Variants in SLC1A2 observed in about 807,000 individuals in gnomAD.
The protein encoded by SLC1A2 is solute carrier family 1 member 2.
Under a neutral mutation model 48.8 loss-of-function variants are expected in SLC1A2, and 15 were observed. The ratio of observed to expected loss-of-function variants is 0.31; its 90% confidence interval spans 0.21 to 0.47. SLC1A2 has a LOEUF of 0.47. SLC1A2 is among the 20% of genes least tolerant of loss of function. The pLI, the probability that SLC1A2 is intolerant of heterozygous loss-of-function variation, is 0.99. For missense variants in SLC1A2, 502 were observed against 730.5 expected, an observed-to-expected ratio of 0.69 and a Z score of 3.61; for synonymous variants, 279 against 272.6, an observed-to-expected ratio of 1.02 and a Z score of -0.23.
rs543865587 is a variant in SLC1A2 at position 35,382,639 on chromosome 11, T to C, written c.17+36311A>G. On this transcript the variant is annotated intron_variant, in intron 1 of 10. Transcript: ENST00000278379. ...GGTGAAACCCTGTCTCTACTAAAAA[T>C]ACAAAAATTAGCTGGGCGTGGTGGC... is the stretch of plus-strand genomic sequence containing the variant. 9.2e-5 allele frequency among the ~76,000 whole-genome samples: 14 copies of C among 152,164 alleles called. No homozygotes were observed. The South Asian group carries it at 2.3e-3, about 25-fold the overall frequency.
At chr11:35,290,679 T>C (rs1850972364) in intron 7 of SLC1A2, among the ~76,000 whole-genome samples, 1 of 147,870 alleles carries the variant, frequency 6.8e-6, no homozygotes, top group African/African-American at 2.5e-5. Context: ...ACCAGGCTTA[T>C]AACCAGAAAA....
Position 35,254,204 on chromosome 11 carries a change from T to C in SLC1A2, c.*6690A>G, listed in dbSNP as rs1250647520. The C allele has an allele frequency of 1.3e-5, 2 of 152,578 alleles. No homozygotes were observed. 9.5% of individuals were successfully genotyped at this position (152,578 alleles called of 1,614,324 possible). ...GTAGAAAACAAATAGAAAAACAATA[T>C]ACAAAATCCTCAAAAAAGTAGTTTT... On this transcript the variant is annotated 3_prime_UTR_variant, in exon 11 of 11. Transcript: ENST00000278379.
chr11:35,370,945 C>T, intron 1 of SLC1A2: 1 of 985,148 alleles, frequency 1.0e-6, no homozygotes, highest in Admixed American at 6.1e-5. Context: ...ACTTGCCTTG[C>T]TTATTTGGAT....
At chr11:35,308,170 A>C (rs758975990) in intron 4 of SLC1A2, among the ~76,000 whole-genome samples, 5 of 152,238 alleles carry the variant, frequency 3.3e-5, no homozygotes, top group Non-Finnish European at 7.3e-5. Flanking sequence ...GCAGGAGGCC[A>C]GCTGCTACCT....
At chr11:35,317,646 G>T in intron 1 of SLC1A2, 130 bp from the exon 2 acceptor site, 1 of 1,116,876 alleles carries the variant, frequency 9.0e-7, no homozygotes, top group Non-Finnish European at 1.3e-6. Context: ...ATAAAAGTAA[G>T]TGTGACTCAG....
intron 6 of SLC1A2, among the ~76,000 whole-genome samples, chr11:35,301,304 G>A (rs949967755): frequency 6.6e-6 from 1 of 152,218 alleles, no homozygotes; most frequent in African/African-American, 2.4e-5. Context: ...ATAAAAGAGA[G>A]AGTAGGTTAG....
In SLC1A2 at chr11:35,256,967, G is replaced by A. The variant is rs981234366; in HGVS notation, c.*3927C>T. On this transcript the variant is annotated 3_prime_UTR_variant, in exon 11 of 11. Coordinates refer to ENST00000278379, the MANE Select transcript of SLC1A2 (RefSeq NM_004171.4). ...CTGCTGCATTCCATGGGAAAATATT[G>A]CACAGGTGGCCGAAGCCTTGATTCT... The A allele has an allele frequency of 5.9e-5, 9 of 152,238 alleles. No homozygotes were observed. Among genetic ancestry groups the A allele is most frequent in the African/African-American group, 1.9e-4 (8 of 41,540 alleles). 9.4% of individuals were successfully genotyped at this position (152,238 alleles called of 1,614,324 possible). A position where few individuals can be genotyped will look rare whatever the true frequency, so the allele number is the denominator to read the frequency against.
intron 1 of SLC1A2, among the ~76,000 whole-genome samples, chr11:35,389,171 G>T (rs1273366053): frequency 1.3e-5 from 2 of 152,130 alleles, no homozygotes; most frequent in South Asian, 2.1e-4. Context: ...GTCAATAAAA[G>T]AATCAATAAG....
chr11:35,377,327 CCAA>C (rs1374760199), intron 1 of SLC1A2, among the ~76,000 whole-genome samples: 2 of 152,204 alleles, frequency 1.3e-5, no homozygotes, highest in Non-Finnish European at 2.9e-5. Context: ...CTTGTTTCAA[CCAA>C]TATTGGACTG....
intron 1 of SLC1A2, among the ~76,000 whole-genome samples, chr11:35,401,944 T>C (rs1212142957): frequency 1.3e-5 from 2 of 152,154 alleles, no homozygotes; most frequent in African/African-American, 2.4e-5. Context: ...GCTTGAAATA[T>C]CTTTTACTTC....
At chr11:35,372,029 T>TG (rs1565283872) in intron 1 of SLC1A2, among the ~76,000 whole-genome samples, 1 of 152,090 alleles carries the variant, frequency 6.6e-6, no homozygotes, top group East Asian at 1.9e-4. Context: ...AGCAGCTGGC[T>TG]CCCCCATCAG....
At chr11:35,412,836 T>G (rs1416939561) in intron 1 of SLC1A2, among the ~76,000 whole-genome samples, 1 of 152,328 alleles carries the variant, frequency 6.6e-6, no homozygotes, top group East Asian at 1.9e-4. Flanking sequence ...ACCCATGTGG[T>G]CATGCCCTGG....
intron 1 of SLC1A2, among the ~76,000 whole-genome samples, chr11:35,367,669 G>A (rs370668273): frequency 3.3e-5 from 5 of 152,196 alleles, no homozygotes; most frequent in South Asian, 2.1e-4. Flanking sequence ...TATGATCCAC[G>A]TGCTACCATC....
chr11:35,355,142 A>C (rs529329174), intron 1 of SLC1A2, among the ~76,000 whole-genome samples: 1 of 152,308 alleles, frequency 6.6e-6, no homozygotes, highest in South Asian at 2.1e-4. Context: ...GGTTTCAAAG[A>C]ATTTTTCCCT....
intron 6 of SLC1A2, among the ~76,000 whole-genome samples, chr11:35,301,309 G>A (rs1041674628): frequency 6.6e-6 from 1 of 152,194 alleles, no homozygotes; most frequent in Non-Finnish European, 1.5e-5. Flanking sequence ...AGAGAGAGTA[G>A]GTTAGATTTG....
At chr11:35,337,260 C>T (rs1852667772) in intron 1 of SLC1A2, among the ~76,000 whole-genome samples, 3 of 152,080 alleles carry the variant, frequency 2.0e-5, no homozygotes, top group Admixed American at 6.6e-5. Context: ...TACCAACATC[C>T]AGCCAAACAG....
chr11:35,382,955 G>A (rs1055234798), intron 1 of SLC1A2, among the ~76,000 whole-genome samples: 6 of 152,030 alleles, frequency 3.9e-5, no homozygotes, highest in Admixed American at 1.3e-4. Context: ...CTACCTGCAC[G>A]CTCCAAAAGT....
chr11:35,326,497 T>C (rs992057200), intron 1 of SLC1A2, among the ~76,000 whole-genome samples: 2 of 152,220 alleles, frequency 1.3e-5, no homozygotes, highest in African/African-American at 4.8e-5. Flanking sequence ...CTTCAGGCAC[T>C]AGGCAGAAAC....
intron 1 of SLC1A2, among the ~76,000 whole-genome samples, chr11:35,411,076 A>C (rs1038180530): frequency 1.3e-5 from 2 of 152,206 alleles, no homozygotes; most frequent in African/African-American, 4.8e-5. Flanking sequence ...AAAAATCAAT[A>C]ATCCTTCAAA....
Sources: allele counts gnomAD v4.1 joint callset (sites outside exome capture counted in the v4.1 genomes callset), GRCh38; gene constraint gnomAD v4.1.1; transcripts MANE v1.5; gene names NCBI Gene and HGNC (gene_info 2026-07-23, HGNC 2026-07-21).